The following FSHR variants were observed in gnomAD, a reference collection of about 807,000 sequenced individuals.
FSHR encodes the protein follicle-stimulating hormone receptor.
Under a neutral mutation model 52.1 loss-of-function variants are expected in FSHR, and 46 were observed. The ratio of observed to expected loss-of-function variants is 0.88; its 90% CI spans 0.70 to 1.13. The LOEUF is 1.13. Among genes scored for constraint, FSHR ranks in the 50% most tolerant of loss-of-function variants. The probability of loss-of-function intolerance (pLI) is 0.00; values close to 1 mark genes in which losing one functional copy is unlikely to be tolerated. For synonymous variants in FSHR, 399 were observed against 309.6 expected (o/e 1.29, Z -3.03); for missense variants, 964 against 834.6 (o/e 1.16, Z -1.91).
chr2:49,016,055 T>C (rs1667480971), intron 4 of FSHR, among the ~76,000 whole-genome samples: 1 of 152,158 alleles, frequency 6.6e-6, no homozygotes. Context: ...TTAAGTCTTT[T>C]ATTACCTCAG....
chr2:49,013,500 A>AT (rs1667363900), intron 4 of FSHR, among the ~76,000 whole-genome samples: 5 of 71,738 alleles, frequency 7.0e-5, no homozygotes, highest in East Asian at 4.4e-4. Flanking sequence ...ATATATATAT[A>AT]AATATATATA....
rs5831020 is a variant in FSHR at position 49,049,824 on chromosome 2, AATATATAT to A, written c.224+18387_224+18394del. Reference sequence around the variant, plus strand: ...ATCAGACTCATATAGCCCCTACTCTAATATATATATATATATATATATATATAATAAAA... The same window carrying A: ...ATCAGACTCATATAGCCCCTACTCTAATATATATATATATATATAATAAAA... On this transcript the variant is annotated intron_variant, in intron 2 of 9. Coordinates refer to ENST00000406846, the MANE Select transcript of FSHR (RefSeq NM_000145.4). Among the ~76,000 whole-genome samples the A allele has an allele frequency of 1.2e-3, 169 of 144,904 alleles. 4 individuals are homozygous for A. The highest frequency in any genetic ancestry group is 3.2e-3 in the African/African-American group (121 of 37,560).
intron 4 of FSHR, among the ~76,000 whole-genome samples, chr2:49,000,449 T>G (rs1033945362): frequency 6.6e-6 from 1 of 152,168 alleles, no homozygotes; most frequent in Non-Finnish European, 1.5e-5. Context: ...TGCTTTTAAC[T>G]TGGAGCAAGC....
chr2:48,971,531 AT>A (rs1363373384), intron 8 of FSHR, among the ~76,000 whole-genome samples: 1 of 152,136 alleles, frequency 6.6e-6, no homozygotes. Flanking sequence ...GTTCAGGAAG[AT>A]TTACATTTTC....
intron 1 of FSHR, among the ~76,000 whole-genome samples, chr2:49,120,648 C>T (rs972982194): frequency 1.3e-5 from 2 of 152,164 alleles, no homozygotes; most frequent in African/African-American, 2.4e-5. Context: ...TGGAGCTAGA[C>T]ACACTTTCTG....
At chr2:49,069,563 G>C (rs76983680) in intron 1 of FSHR, among the ~76,000 whole-genome samples, 1 of 151,972 alleles carries the variant, frequency 6.6e-6, no homozygotes, top group Non-Finnish European at 1.5e-5. Context: ...AGTTCCATGA[G>C]GGCAAAAATG....
At chr2:48,966,168 T>C (rs1674469373) in intron 9 of FSHR, among the ~76,000 whole-genome samples, 1 of 152,202 alleles carries the variant, frequency 6.6e-6, no homozygotes, top group Non-Finnish European at 1.5e-5. Flanking sequence ...ATACAGAGTA[T>C]TACAGTGCTT....
At chr2:49,102,846 C>CCTAA (rs1558442375) in intron 1 of FSHR, among the ~76,000 whole-genome samples, 2 of 151,012 alleles carry the variant, frequency 1.3e-5, no homozygotes, top group African/African-American at 4.9e-5. Context: ...GGATTTCTGC[C>CCTAA]ACGGTTTGTT....
intron 4 of FSHR, among the ~76,000 whole-genome samples, chr2:49,008,278 T>C (rs1415803156): frequency 1.5e-5 from 2 of 136,412 alleles, no homozygotes; most frequent in African/African-American, 5.4e-5. Context: ...TATGCGGTGT[T>C]TGGTTTTTTG....
chr2:48,969,082 T>G (rs1445112838), intron 8 of FSHR, among the ~76,000 whole-genome samples, 199 bp from the exon 9 acceptor site: 3 of 152,158 alleles, frequency 2.0e-5, no homozygotes, highest in Non-Finnish European at 4.4e-5. Flanking sequence ...CTGGTCCTTC[T>G]GTTCCTGGTA....
At chr2:49,136,816 C>G (rs1260723963) in intron 1 of FSHR, among the ~76,000 whole-genome samples, 1 of 152,038 alleles carries the variant, frequency 6.6e-6, no homozygotes, top group Non-Finnish European at 1.5e-5. Flanking sequence ...AAACCTAACA[C>G]CTTTTCTTGG....
chr2:49,025,137 T>C (rs1667873735), intron 2 of FSHR, among the ~76,000 whole-genome samples: 1 of 152,214 alleles, frequency 6.6e-6, no homozygotes. Context: ...TATTTGCAAA[T>C]CAAATTGTGT....
At chr2:49,090,376 A>G (rs1340269255) in intron 1 of FSHR, among the ~76,000 whole-genome samples, 1 of 152,212 alleles carries the variant, frequency 6.6e-6, no homozygotes, top group Non-Finnish European at 1.5e-5. Flanking sequence ...CATACAGTAT[A>G]TAACATGTGA....
chr2:49,071,192 T>C (rs537680458), intron 1 of FSHR, among the ~76,000 whole-genome samples: 1 of 152,202 alleles, frequency 6.6e-6, no homozygotes, highest in East Asian at 1.9e-4. Flanking sequence ...TCATAACTTA[T>C]AAAAGATATA....
intron 8 of FSHR, among the ~76,000 whole-genome samples, chr2:48,972,456 C>T (rs973348509): frequency 2.0e-5 from 3 of 152,194 alleles, no homozygotes; most frequent in Non-Finnish European, 2.9e-5. Flanking sequence ...CTGCTGCTGT[C>T]TCTGCCTTCT....
rs1210423677 is a variant in FSHR, at chr2:48,962,510, T to C, written c.*223A>G. The C allele has an allele frequency of 3.6e-6, 2 of 560,148 alleles. No individual in the cohort carries two copies. Among genetic ancestry groups the C allele is most frequent in the Non-Finnish European group, 6.3e-6 (2 of 315,330 alleles). 34.7% of individuals were successfully genotyped at this position (560,148 alleles called of 1,614,324 possible). On this transcript the variant is annotated 3_prime_UTR_variant, in exon 10 of 10. Transcript: ENST00000406846. Reference sequence around the variant, plus strand: ...ATAACATATATAAGGATAAAATATGTAATACAGTATTGCATTCTTTAATTA... The same window carrying C: ...ATAACATATATAAGGATAAAATATGCAATACAGTATTGCATTCTTTAATTA...
chr2:48,985,150 G>C (rs1481888336), intron 6 of FSHR, among the ~76,000 whole-genome samples: 1 of 151,994 alleles, frequency 6.6e-6, no homozygotes, highest in Non-Finnish European at 1.5e-5. Flanking sequence ...CAACAACCTG[G>C]GCAGAACATC....
At chr2:49,110,348 C>G (rs1671379517) in intron 1 of FSHR, among the ~76,000 whole-genome samples, 1 of 152,068 alleles carries the variant, frequency 6.6e-6, no homozygotes. Flanking sequence ...CTGTCTGGCC[C>G]TAATGCTGAC....
chr2:49,153,907 C>T (rs79896602), intron 1 of FSHR, among the ~76,000 whole-genome samples: 240 of 152,270 alleles, frequency 1.6e-3, no homozygotes, highest in African/African-American at 5.6e-3. Flanking sequence ...TTTCTGCCTC[C>T]AATTCTGGGT....
Sources: allele counts gnomAD v4.1 joint callset (sites outside exome capture counted in the v4.1 genomes callset), GRCh38; gene constraint gnomAD v4.1.1; transcripts MANE v1.5; gene names NCBI Gene and HGNC (gene_info 2026-07-23, HGNC 2026-07-21).